ERC2: variants seen among roughly 807,000 people sequenced by gnomAD.
ERC2 encodes ERC protein 2.
ERC2 carries 42 observed loss-of-function variants against 114.8 expected under a neutral mutation model. The ratio of observed to expected loss-of-function variants is 0.37; its 90% CI spans 0.29 to 0.47. The LOEUF is 0.47. Ranked by LOEUF, ERC2 falls within the 20% of genes least tolerant of loss-of-function variation. ERC2 has a pLI of 0.99. For missense variants in ERC2, 939 were observed against 1,150.7 expected (o/e 0.82, Z 2.66); for synonymous variants, 454 against 425.5 (o/e 1.07, Z -0.82).
chr3:55,514,820 T>C (rs1014107318), intron 17 of ERC2, among the ~76,000 whole-genome samples: 3 of 152,250 alleles, frequency 2.0e-5, no homozygotes, highest in Non-Finnish European at 4.4e-5. Flanking sequence ...AGAACCCAGT[T>C]GAGCCCATCT....
At chr3:56,001,752 A>AC (rs1455256916) in intron 10 of ERC2, among the ~76,000 whole-genome samples, 7 of 152,154 alleles carry the variant, frequency 4.6e-5, no homozygotes, top group African/African-American at 1.7e-4. Context: ...TGCTGCAGGA[A>AC]CAAGGCTCTC....
chr3:56,438,342 A>G (rs2062124157), intron 1 of ERC2, among the ~76,000 whole-genome samples: 1 of 151,758 alleles, frequency 6.6e-6, no homozygotes, highest in Non-Finnish European at 1.5e-5. Context: ...CTGTTTTTCC[A>G]CTCATGATTA....
At chr3:56,056,929 A>C (rs1317051952) in intron 7 of ERC2, among the ~76,000 whole-genome samples, 1 of 152,152 alleles carries the variant, frequency 6.6e-6, no homozygotes, top group Non-Finnish European at 1.5e-5. Flanking sequence ...TCTACGAGGT[A>C]GGTACCATGA....
chr3:56,255,408 G>A (rs577020767), intron 3 of ERC2, among the ~76,000 whole-genome samples: 11 of 152,262 alleles, frequency 7.2e-5, no homozygotes, highest in African/African-American at 1.2e-4. Flanking sequence ...TCAAGACCCC[G>A]CAGCTGCTTT....
At chr3:56,014,972 T>A (rs2073206899) in intron 8 of ERC2, among the ~76,000 whole-genome samples, 1 of 152,228 alleles carries the variant, frequency 6.6e-6, no homozygotes, top group African/African-American at 2.4e-5. Context: ...AATATTCTTA[T>A]AAGCTTTCAA....
intron 7 of ERC2, among the ~76,000 whole-genome samples, chr3:56,021,906 T>A (rs2073744237): frequency 6.6e-6 from 1 of 152,222 alleles, no homozygotes; most frequent in Non-Finnish European, 1.5e-5. Context: ...ATTATCTCAT[T>A]CTTTTTTATG....
intron 3 of ERC2, among the ~76,000 whole-genome samples, chr3:56,212,321 G>T (rs559173292): frequency 6.6e-6 from 1 of 152,046 alleles, no homozygotes; most frequent in South Asian, 2.1e-4. Flanking sequence ...TCAAAAGAAG[G>T]TATACAAATG....
At chr3:56,378,349 C>T (rs1441866849) in intron 2 of ERC2, among the ~76,000 whole-genome samples, 2 of 140,724 alleles carry the variant, frequency 1.4e-5, no homozygotes, top group Non-Finnish European at 3.1e-5. Context: ...CATATTCTCA[C>T]TCATAGGTGG....
intron 2 of ERC2, among the ~76,000 whole-genome samples, chr3:56,308,311 T>C (rs935131976): frequency 1.3e-5 from 2 of 152,182 alleles, no homozygotes; most frequent in Admixed American, 6.5e-5. Flanking sequence ...GAACAACTCA[T>C]ATAAGCTCCT....
chr3:55,650,493 C>T (rs1328733966), intron 17 of ERC2, among the ~76,000 whole-genome samples: 1 of 152,194 alleles, frequency 6.6e-6, no homozygotes, highest in Non-Finnish European at 1.5e-5. Flanking sequence ...CTCTTGGTCT[C>T]TTCCCCTTCA....
chr3:55,929,572 T>C (rs916813534), intron 13 of ERC2, among the ~76,000 whole-genome samples: 1 of 152,192 alleles, frequency 6.6e-6, no homozygotes. Flanking sequence ...AGTTATAATA[T>C]ATAGGGATAG....
At chr3:55,733,465 CACACACACACACACACACACAT>C (rs1575423269) in intron 15 of ERC2, among the ~76,000 whole-genome samples, 11 of 32,090 alleles carry the variant, frequency 3.4e-4, no homozygotes, top group African/African-American at 7.2e-4. Context: ...CTCTCTCTCT[CACACACACACACACACACACAT>C]TCTCTGTCTC....
intron 4 of ERC2, among the ~76,000 whole-genome samples, chr3:56,152,783 T>A (rs1414188516): frequency 1.3e-5 from 2 of 152,156 alleles, no homozygotes; most frequent in Non-Finnish European, 2.9e-5. Context: ...AAAATAATAC[T>A]TATAAAAATT....
chr3:55,815,708 C>T (rs1017862653), intron 14 of ERC2, among the ~76,000 whole-genome samples: 1 of 152,128 alleles, frequency 6.6e-6, no homozygotes, highest in Non-Finnish European at 1.5e-5. Context: ...TTCGTTATGG[C>T]GGCAATAGAA....
intron 2 of ERC2, among the ~76,000 whole-genome samples, chr3:56,422,367 C>G (rs6767143): frequency 0.043 from 6,552 of 152,226 alleles, 363 homozygotes; most frequent in African/African-American, 0.12. Flanking sequence ...TAATCTCCCT[C>G]ATTCCTTTGC....
At chr3:56,296,604 A>T (rs999316595) in intron 2 of ERC2, among the ~76,000 whole-genome samples, 169 bp from the exon 3 acceptor site, 9 of 152,218 alleles carry the variant, frequency 5.9e-5, no homozygotes, top group Non-Finnish European at 1.3e-4. Flanking sequence ...GGGACAGCAC[A>T]TGGAGAGGGG....
At chr3:55,989,677 A>T (rs1216440072) in intron 11 of ERC2, among the ~76,000 whole-genome samples, 6 of 152,168 alleles carry the variant, frequency 3.9e-5, no homozygotes. Flanking sequence ...TGCAACCTGG[A>T]GGAAGTTACT....
chr3:56,442,200 G>A (rs1011067669), intron 1 of ERC2, among the ~76,000 whole-genome samples: 1 of 151,948 alleles, frequency 6.6e-6, no homozygotes, highest in Non-Finnish European at 1.5e-5. Context: ...TATACATTCA[G>A]TAAATACACC....
At chr3:56,167,004 A>T (rs2082354477) in intron 4 of ERC2, among the ~76,000 whole-genome samples, 1 of 152,056 alleles carries the variant, frequency 6.6e-6, no homozygotes, top group African/African-American at 2.4e-5. Flanking sequence ...AAACTGAATG[A>T]TTTGCTCTGC....
Sources: allele counts gnomAD v4.1 joint callset (sites outside exome capture counted in the v4.1 genomes callset), GRCh38; gene constraint gnomAD v4.1.1; transcripts MANE v1.5; gene names NCBI Gene and HGNC (gene_info 2026-07-23, HGNC 2026-07-21).